Variants in ATP6V1E2 observed in about 807,000 individuals in gnomAD.
ATP6V1E2 encodes the protein V-type proton ATPase subunit E 2.
For synonymous variants in ATP6V1E2, 121 were observed against 104.2 expected (o/e 1.16, Z -0.98); for missense variants, 308 against 273.3 (o/e 1.13, Z -0.90).
At chr2:46,525,201 G>A (rs1221079756) in intron 4 of ATP6V1E2, among the ~76,000 whole-genome samples, 6 of 151,956 alleles carry the variant, frequency 3.9e-5, no homozygotes, top group Middle Eastern at 3.4e-3. Flanking sequence ...GCGGCCGGGC[G>A]CGGTGGCTCA....
rs185014020 is a variant in ATP6V1E2, at chr2:46,512,717, C to T, written c.-6G>A. Reference sequence around the variant, plus strand: ...TCGACATCACTCAGGGCCATGGCTGCTCTCAGAGGGGACGGCAGAGAGGGA... The same window carrying T: ...TCGACATCACTCAGGGCCATGGCTGTTCTCAGAGGGGACGGCAGAGAGGGA... On this transcript the variant is annotated 5_prime_UTR_variant, in exon 5 of 5. Coordinates refer to ENST00000522587, the MANE Select transcript of ATP6V1E2 (RefSeq NM_001318063.2). 391 of 1,604,120 alleles carry T rather than the reference C, an allele frequency of 2.4e-4. 1 individual carries two copies. In the African/African-American group the frequency reaches 4.9e-3, roughly 20 times the overall value.
chr2:46,514,584 C>G (rs536857617), intron 4 of ATP6V1E2, among the ~76,000 whole-genome samples: 2 of 152,026 alleles, frequency 1.3e-5, no homozygotes, highest in African/African-American at 4.8e-5. Flanking sequence ...GAAGATATAA[C>G]ATTTGAAATT....
intron 4 of ATP6V1E2, among the ~76,000 whole-genome samples, chr2:46,516,461 T>C (rs544496350): frequency 6.6e-6 from 1 of 152,342 alleles, no homozygotes; most frequent in Admixed American, 6.5e-5. Context: ...CCGGATGCAA[T>C]GGCTCATGCC....
chr2:46,515,169 C>G (rs753664250), intron 4 of ATP6V1E2, among the ~76,000 whole-genome samples: 35 of 152,228 alleles, frequency 2.3e-4, no homozygotes, highest in Non-Finnish European at 3.8e-4. Flanking sequence ...GGCCACTAGA[C>G]AGCATATGAA....
Position 46,530,706 on chromosome 2 carries a change from T to C in ATP6V1E2, c.-102+5107A>G, listed in dbSNP as rs140482633. ...TAATATATAAAGGAAAGAGGTTTCA[T>C]TGACTCACAGTTCAGCATGTCTGGG... On this transcript the variant is annotated intron_variant, in intron 4 of 4. Transcript: ENST00000522587. The surrounding 1 kb of genome is among the most constrained non-coding windows in gnomAD (Gnocchi z 5.2). Among the ~76,000 whole-genome samples the C allele has an allele frequency of 2.0e-5, 3 of 152,364 alleles. No homozygotes were observed. The highest frequency in any genetic ancestry group is 7.2e-5 in the African/African-American group (3 of 41,590).
intron 4 of ATP6V1E2, among the ~76,000 whole-genome samples, chr2:46,521,504 C>A (rs1241645615): frequency 6.6e-6 from 1 of 152,088 alleles, no homozygotes; most frequent in Non-Finnish European, 1.5e-5. Context: ...CAAACGTGGG[C>A]CTCCAGACAC....
chr2:46,535,921 C>T lies in ATP6V1E2; in HGVS notation c.-210G>A, dbSNP rs935389887. 13 of 152,210 alleles carry T rather than the reference C, an allele frequency of 8.5e-5. No homozygotes were observed. Among genetic ancestry groups the T allele is most frequent in the African/African-American group, 2.9e-4 (12 of 41,452 alleles). 9.4% of individuals were successfully genotyped at this position (152,210 alleles called of 1,614,324 possible). On this transcript the variant is annotated 5_prime_UTR_variant, in exon 4 of 5. Coordinates refer to ENST00000522587, the MANE Select transcript of ATP6V1E2 (RefSeq NM_001318063.2). The surrounding 1 kb of genome is among the most constrained non-coding windows in gnomAD (Gnocchi z 4.4). ...AGTCTTGGGATGGTTTTCTGGCACT[C>T]TTGGTTCTGAAACATAAAATAAAAT...
chr2:46,539,045 A>G (rs1210036211), intron 2 of ATP6V1E2, among the ~76,000 whole-genome samples: 2 of 152,196 alleles, frequency 1.3e-5, no homozygotes, highest in Non-Finnish European at 2.9e-5. Context: ...CTAGGGATCA[A>G]CAGGTACCAG....
At chr2:46,529,716 A>G (rs960542352) in intron 4 of ATP6V1E2, among the ~76,000 whole-genome samples, 5 of 152,170 alleles carry the variant, frequency 3.3e-5, no homozygotes, top group African/African-American at 1.2e-4. Flanking sequence ...TGATTGTGCC[A>G]CTGCACTCCA....
chr2:46,514,005 T>A (rs1457655713), intron 4 of ATP6V1E2, among the ~76,000 whole-genome samples: 2 of 151,758 alleles, frequency 1.3e-5, no homozygotes, highest in Non-Finnish European at 2.9e-5. Flanking sequence ...TAGCTTTTAG[T>A]GTGGTGACTC....
Position 46,537,865 on chromosome 2 carries a change from G to C in ATP6V1E2, c.-309-1162C>G, listed in dbSNP as rs535941079. ...TCCTCTAGAGTTCTAATCTCAGCTT[G>C]ATTTAGACAGTCAGTTGCGTGGTTA... On this transcript the variant is annotated intron_variant, in intron 2 of 4. Transcript: ENST00000522587. Among the ~76,000 whole-genome samples the C allele has an allele frequency of 3.9e-5, 6 of 152,216 alleles. No individual in the cohort carries two copies. The South Asian group carries it at 6.2e-4, about 16-fold the overall frequency.
intron 4 of ATP6V1E2, among the ~76,000 whole-genome samples, chr2:46,525,424 A>T (rs1276172635): frequency 1.4e-5 from 2 of 142,700 alleles, no homozygotes; most frequent in African/African-American, 2.6e-5. Flanking sequence ...ATCGCGCCAC[A>T]GCACTCCCGC....
intron 4 of ATP6V1E2, chr2:46,519,959 C>G (rs1171896223): frequency 6.6e-6 from 1 of 152,240 alleles, no homozygotes; most frequent in Non-Finnish European, 1.5e-5. Flanking sequence ...CTCCTCTCCA[C>G]AACACTTCAT....
At chr2:46,517,910 G>A (rs1461475454) in intron 4 of ATP6V1E2, among the ~76,000 whole-genome samples, 1 of 152,212 alleles carries the variant, frequency 6.6e-6, no homozygotes, top group African/African-American at 2.4e-5. Flanking sequence ...GGGTTGGTGG[G>A]AATGTAAAAT....
intron 4 of ATP6V1E2, among the ~76,000 whole-genome samples, chr2:46,514,726 T>C (rs1044957324): frequency 6.6e-6 from 1 of 152,026 alleles, no homozygotes; most frequent in East Asian, 1.9e-4. Context: ...GAAAAAAGGA[T>C]AGAAAGTTTT....
chr2:46,523,014 A>T (rs1028811948), intron 4 of ATP6V1E2, among the ~76,000 whole-genome samples: 6 of 151,588 alleles, frequency 4.0e-5, no homozygotes, highest in African/African-American at 1.5e-4. Context: ...TTTTTTTCAT[A>T]TGTTCATTGG....
In ATP6V1E2 at chr2:46,512,616, G is replaced by A; in HGVS notation, c.96C>T (p.Ala32=). 6.2e-7 allele frequency: 1 copy of A among 1,614,146 alleles called. No homozygotes were observed. The highest frequency in any genetic ancestry group is 8.5e-7 in the Non-Finnish European group (1 of 1,180,038). The change falls in exon 5 of 5, where the codon GCC becomes GCT. Residue 32 remains alanine, a synonymous_variant. Coordinates refer to ENST00000522587, the MANE Select transcript of ATP6V1E2 (RefSeq NM_001318063.2). ...CAATGTTAAACTCTTCCTCAGCCTTGGCATCGATTTCCTCTGCTTTCTCAT... is the reference window on the plus strand; with the variant it reads ...CAATGTTAAACTCTTCCTCAGCCTTAGCATCGATTTCCTCTGCTTTCTCAT... ...EANEKAEEID[A]KAEEEFNIEK...
chr2:46,514,826 C>T (rs1687643175), intron 4 of ATP6V1E2, among the ~76,000 whole-genome samples: 1 of 151,850 alleles, frequency 6.6e-6, no homozygotes, highest in Non-Finnish European at 1.5e-5. Context: ...CTAAGATAAA[C>T]CCAAAAAAGT....
At chr2:46,515,494 T>C (rs1287640765) in intron 4 of ATP6V1E2, among the ~76,000 whole-genome samples, 3 of 151,980 alleles carry the variant, frequency 2.0e-5, no homozygotes, top group Non-Finnish European at 4.4e-5. Context: ...GAAAATACCT[T>C]TGGAAGTTAC....
Sources: allele counts gnomAD v4.1 joint callset (sites outside exome capture counted in the v4.1 genomes callset), GRCh38; gene constraint gnomAD v4.1.1; non-coding constraint Gnocchi (gnomAD v3.1); transcripts MANE v1.5; gene names NCBI Gene and HGNC (gene_info 2026-07-23, HGNC 2026-07-21).